HOMER2: variants seen among roughly 807,000 people sequenced by gnomAD.
HOMER2 encodes the protein homer protein homolog 2.
HOMER2 carries 27 observed loss-of-function variants against 47.0 expected under a neutral mutation model. The ratio of observed to expected loss-of-function variants is 0.57; its 90% CI spans 0.42 to 0.79. The LOEUF is 0.79. HOMER2 is among the 30% of genes least tolerant of loss of function. The pLI is 0.00. For synonymous variants in HOMER2, 161 were observed against 163.8 expected (o/e 0.98, Z 0.13); for missense variants, 443 against 435.0 (o/e 1.02, Z -0.16).
intron 1 of HOMER2, among the ~76,000 whole-genome samples, chr15:82,911,985 G>T (rs559724639): frequency 6.6e-6 from 1 of 152,064 alleles, no homozygotes; most frequent in African/African-American, 2.4e-5. Flanking sequence ...AGCCAAGATC[G>T]CACCACTGCA....
intron 1 of HOMER2, among the ~76,000 whole-genome samples, chr15:82,918,081 A>G (rs994712300): frequency 1.3e-5 from 2 of 152,132 alleles, no homozygotes; most frequent in Admixed American, 1.3e-4. Flanking sequence ...AGAGCTAACT[A>G]GGGACTAAAA....
At chr15:82,959,422 A>G (rs1372281038) in intron 1 of HOMER2, 1 of 152,232 alleles carries the variant, frequency 6.6e-6, no homozygotes, top group Admixed American at 6.5e-5. Context: ...TGGCTGTTGG[A>G]TAATAGGTAG....
At chr15:82,892,652 T>A in intron 2 of HOMER2, 33 bp downstream of exon 2, 1 of 1,451,970 alleles carries the variant, frequency 6.9e-7, no homozygotes, top group Non-Finnish European at 9.2e-7. Flanking sequence ...GATAAGCAAC[T>A]GGGAGTATTA....
intron 1 of HOMER2, among the ~76,000 whole-genome samples, chr15:82,939,674 A>G (rs1371955974): frequency 6.6e-6 from 1 of 152,182 alleles, no homozygotes; most frequent in Non-Finnish European, 1.5e-5. Flanking sequence ...TATCTCAACA[A>G]CAACAAAAAA....
chr15:82,955,627 G>A (rs961931168), upstream of HOMER2, among the ~76,000 whole-genome samples: 1 of 152,048 alleles, frequency 6.6e-6, no homozygotes, highest in Non-Finnish European at 1.5e-5. Context: ...TGAAACAAAT[G>A]TATTATTAAA....
upstream of HOMER2, among the ~76,000 whole-genome samples, chr15:82,953,726 A>AC (rs536426346): frequency 2.4e-3 from 370 of 151,964 alleles, 1 homozygote; most frequent in Non-Finnish European, 3.8e-3. Flanking sequence ...ACACACACAC[A>AC]AAAAAAATTA....
chr15:82,919,919 T>G (rs1231052404), intron 1 of HOMER2, among the ~76,000 whole-genome samples: 1 of 152,222 alleles, frequency 6.6e-6, no homozygotes, highest in Non-Finnish European at 1.5e-5. Flanking sequence ...AATTTTTAAT[T>G]TTTGTGATGT....
rs142117194 is a variant in HOMER2, at chr15:82,968,147, C to T, written n.83-8839G>A. Among the ~76,000 whole-genome samples the T allele has an allele frequency of 5.6e-4, 85 of 152,304 alleles. 1 individual carries two copies. In the East Asian group the frequency reaches 0.016, roughly 28 times the overall value. ...AAACTCCTGGGCTCAAGTGATCCTC[C>T]CGCCTCAGCTTCCCAAAGTGCTGGG... On this transcript the variant is annotated intron_variant and non_coding_transcript_variant, in intron 1 of 1. Transcript: ENST00000500334.
downstream of HOMER2, chr15:82,844,403 CTACA>C (rs2051211459): frequency 6.6e-6 from 1 of 152,024 alleles, no homozygotes; most frequent in Non-Finnish European, 1.5e-5. Flanking sequence ...AAGGTACAAC[CTACA>C]TAGAGGTTAA....
chr15:82,907,252 G>A (rs1253577378), intron 1 of HOMER2, among the ~76,000 whole-genome samples: 1 of 152,118 alleles, frequency 6.6e-6, no homozygotes, highest in Non-Finnish European at 1.5e-5. Flanking sequence ...AACTAATCAG[G>A]AGGCTGAGGC....
intron 1 of HOMER2, among the ~76,000 whole-genome samples, chr15:82,903,561 G>A (rs1214786511): frequency 2.0e-5 from 3 of 152,208 alleles, no homozygotes; most frequent in Non-Finnish European, 2.9e-5. Context: ...AGAGGTTGCC[G>A]TTGGCCGAGA....
intron 1 of HOMER2, among the ~76,000 whole-genome samples, chr15:82,942,733 C>T (rs572264830): frequency 5.4e-4 from 82 of 152,336 alleles, no homozygotes; most frequent in African/African-American, 1.9e-3. Flanking sequence ...GTAAAAGCAA[C>T]GAGTTGGCAG....
intron 2 of HOMER2, among the ~76,000 whole-genome samples, chr15:82,882,052 T>C (rs1335709496): frequency 2.6e-5 from 4 of 152,226 alleles, no homozygotes; most frequent in Non-Finnish European, 5.9e-5. Context: ...TGGAGTTTCT[T>C]TATAATGGAG....
intron 1 of HOMER2, among the ~76,000 whole-genome samples, chr15:82,906,951 T>C (rs1372146047): frequency 6.6e-6 from 1 of 152,202 alleles, no homozygotes; most frequent in Non-Finnish European, 1.5e-5. Flanking sequence ...AATGTGTATG[T>C]GCCTAACAGC....
chr15:82,866,384 G>GT, intron 3 of HOMER2, among the ~76,000 whole-genome samples: 1 of 152,172 alleles, frequency 6.6e-6, no homozygotes, highest in Non-Finnish European at 1.5e-5. Flanking sequence ...GAAGTAACTT[G>GT]TTTTTTATTT....
chr15:82,922,674 C>T (rs926477689), intron 1 of HOMER2, among the ~76,000 whole-genome samples: 1 of 152,110 alleles, frequency 6.6e-6, no homozygotes, highest in Non-Finnish European at 1.5e-5. Context: ...GGGCCAACTG[C>T]ACTCCATTCA....
intron 2 of HOMER2, among the ~76,000 whole-genome samples, chr15:82,879,971 A>G (rs1243182366): frequency 6.6e-6 from 1 of 151,292 alleles, no homozygotes; most frequent in African/African-American, 2.5e-5. Flanking sequence ...ATGAATCACA[A>G]AAATTTAACA....
At chr15:82,965,317 C>T (rs1205369623) in intron 1 of HOMER2, among the ~76,000 whole-genome samples, 2 of 152,142 alleles carry the variant, frequency 1.3e-5, no homozygotes, top group Non-Finnish European at 2.9e-5. Flanking sequence ...CTGTGCCCAG[C>T]CTATATTTTC....
chr15:82,914,570 G>A (rs2053534647), intron 1 of HOMER2, among the ~76,000 whole-genome samples: 1 of 152,078 alleles, frequency 6.6e-6, no homozygotes, highest in Non-Finnish European at 1.5e-5. Context: ...AGGGAATGGG[G>A]AGTTATTGCT....
Sources: gnomAD v4.1 joint callset for allele counts (sites outside exome capture counted in the v4.1 genomes callset) on GRCh38, gnomAD v4.1.1 for gene constraint, MANE v1.5 for transcripts, NCBI Gene and HGNC (gene_info 2026-07-23, HGNC 2026-07-21) for gene names.